CHRM3: variants seen among roughly 807,000 people sequenced by gnomAD.
CHRM3 encodes the protein cholinergic receptor muscarinic 3.
CHRM3 carries 11 observed loss-of-function variants against 41.8 expected under a neutral mutation model. The ratio of observed to expected loss-of-function variants is 0.26; its 90% CI spans 0.17 to 0.44. The LOEUF (loss-of-function observed/expected upper bound fraction) is 0.44, where lower values mean the gene tolerates loss of function less well. Ranked by LOEUF, CHRM3 falls within the 20% of genes least tolerant of loss-of-function variation. The pLI, the probability that CHRM3 is intolerant of heterozygous loss-of-function variation, is 1.00. For missense variants in CHRM3, 571 were observed against 745.4 expected (o/e 0.77, Z 2.72); for synonymous variants, 297 against 301.4 (o/e 0.99, Z 0.15).
At chr1:239,851,696 T>C (rs1443936295) in intron 6 of CHRM3, among the ~76,000 whole-genome samples, 1 of 152,252 alleles carries the variant, frequency 6.6e-6, no homozygotes, top group African/African-American at 2.4e-5. Flanking sequence ...CAGCATGTGC[T>C]GTTCTCAGCA....
At chr1:239,689,386 C>A (rs1659487898) in intron 5 of CHRM3, among the ~76,000 whole-genome samples, 1 of 151,646 alleles carries the variant, frequency 6.6e-6, no homozygotes, top group African/African-American at 2.4e-5. Context: ...GACTGACATT[C>A]AAATTTAGGC....
chr1:239,808,270 T>C (rs910824864), intron 5 of CHRM3, among the ~76,000 whole-genome samples: 74 of 152,260 alleles, frequency 4.9e-4, no homozygotes, highest in African/African-American at 1.7e-3. Flanking sequence ...TTTTTGTTTA[T>C]CCTCGTATGT....
At chr1:239,840,391 G>T (rs1484481134) in intron 6 of CHRM3, among the ~76,000 whole-genome samples, 1 of 152,148 alleles carries the variant, frequency 6.6e-6, no homozygotes, top group Admixed American at 6.5e-5. Context: ...CATTGATTTT[G>T]TATTCTTAAT....
intron 6 of CHRM3, among the ~76,000 whole-genome samples, chr1:239,906,353 AAT>A (rs1679965362): frequency 6.6e-6 from 1 of 152,198 alleles, no homozygotes; most frequent in Non-Finnish European, 1.5e-5. Flanking sequence ...CAGGGTACAC[AAT>A]AGATTTTTGC....
intron 6 of CHRM3, among the ~76,000 whole-genome samples, chr1:239,859,432 G>GTTT (rs141776323): frequency 1.7e-4 from 23 of 136,478 alleles, no homozygotes; most frequent in African/African-American, 6.1e-4. Flanking sequence ...TTTTTTTTTT[G>GTTT]TTTTTTTTTT....
In CHRM3 at chr1:239,472,033, A is replaced by G. The variant is rs900732888; in HGVS notation, c.-520-20676A>G. Among the ~76,000 whole-genome samples, 5 of 152,270 alleles carry G rather than the reference A, an allele frequency of 3.3e-5. No individual in the cohort carries two copies. The East Asian group carries it at 9.7e-4, about 29-fold the overall frequency. On this transcript the variant is annotated intron_variant, in intron 1 of 6. Transcript: ENST00000676153. ...ACTCCAATACTCTGAGAGTAACCAA[A>G]TATTCAGCAGAAAACTTCCTGGCAT...
intron 1 of CHRM3, among the ~76,000 whole-genome samples, chr1:239,409,274 T>C (rs980237179): frequency 6.6e-6 from 1 of 152,208 alleles, no homozygotes; most frequent in Non-Finnish European, 1.5e-5. Flanking sequence ...AAACATATTA[T>C]GATACAATAC....
intron 5 of CHRM3, among the ~76,000 whole-genome samples, chr1:239,743,935 C>T (rs1665110541): frequency 1.3e-5 from 2 of 149,814 alleles, no homozygotes; most frequent in Non-Finnish European, 3.0e-5. Context: ...GGACGGACTA[C>T]AGGTGCACAC....
intron 6 of CHRM3, among the ~76,000 whole-genome samples, chr1:239,875,134 A>C (rs1366064418): frequency 6.6e-6 from 1 of 152,248 alleles, no homozygotes; most frequent in Non-Finnish European, 1.5e-5. Flanking sequence ...TATTAACGCC[A>C]GCTTTATTTA....
At chr1:239,677,844 T>G (rs1571953228) in intron 4 of CHRM3, among the ~76,000 whole-genome samples, 1 of 152,170 alleles carries the variant, frequency 6.6e-6, no homozygotes, top group East Asian at 1.9e-4. Context: ...TACATATTTT[T>G]GGGGGAAGCT....
At chr1:239,461,123 G>A (rs1302810446) in intron 1 of CHRM3, among the ~76,000 whole-genome samples, 1 of 152,108 alleles carries the variant, frequency 6.6e-6, no homozygotes, top group Non-Finnish European at 1.5e-5. Context: ...GAGATTTAGT[G>A]GATTTGGAGA....
intron 1 of CHRM3, among the ~76,000 whole-genome samples, chr1:239,426,923 A>T (rs6429138): frequency 0.56 from 85,275 of 151,590 alleles, 24,258 homozygotes; most frequent in South Asian, 0.63. Context: ...ATTTTCTAGA[A>T]TGTGCAGGTG....
At chr1:239,406,840 C>T (rs113220508) in intron 1 of CHRM3, among the ~76,000 whole-genome samples, 4 of 152,146 alleles carry the variant, frequency 2.6e-5, no homozygotes, top group African/African-American at 9.7e-5. Flanking sequence ...AGTCTTGACC[C>T]TAGATGTGTG....
chr1:239,780,553 C>G (rs141566321), intron 5 of CHRM3, among the ~76,000 whole-genome samples: 280 of 152,184 alleles, frequency 1.8e-3, no homozygotes, highest in Admixed American at 7.7e-3. Context: ...ATATTTTCTT[C>G]CAGTCTGTGA....
At chr1:239,902,774 G>A (rs961338960) in intron 6 of CHRM3, among the ~76,000 whole-genome samples, 7 of 152,132 alleles carry the variant, frequency 4.6e-5, no homozygotes, top group Non-Finnish European at 5.9e-5. Flanking sequence ...CTATTAACTC[G>A]TTAACTTATT....
chr1:239,713,850 G>A (rs915055067), intron 5 of CHRM3, among the ~76,000 whole-genome samples: 29 of 152,080 alleles, frequency 1.9e-4, no homozygotes, highest in Non-Finnish European at 3.7e-4. Context: ...TATAAAAAAC[G>A]GTGTTCCATT....
intron 4 of CHRM3, among the ~76,000 whole-genome samples, chr1:239,638,773 T>C (rs1306030287): frequency 3.9e-5 from 6 of 152,202 alleles, no homozygotes; most frequent in African/African-American, 1.4e-4. Context: ...TTTAATTAGA[T>C]CCCATTTGTC....
chr1:239,648,657 G>T (rs552444856), intron 4 of CHRM3, among the ~76,000 whole-genome samples: 1 of 152,288 alleles, frequency 6.6e-6, no homozygotes, highest in East Asian at 1.9e-4. Context: ...AAACAATGAT[G>T]TGGGGAAGGA....
chr1:239,657,171 AT>A (rs1230990045), intron 4 of CHRM3, among the ~76,000 whole-genome samples: 3 of 152,170 alleles, frequency 2.0e-5, no homozygotes, highest in Non-Finnish European at 2.9e-5. Flanking sequence ...ATCCAGTAAC[AT>A]TTTATATGCT....
Sources: allele counts gnomAD v4.1 joint callset (sites outside exome capture counted in the v4.1 genomes callset), GRCh38; gene constraint gnomAD v4.1.1; transcripts MANE v1.5; gene names NCBI Gene and HGNC (gene_info 2026-07-23, HGNC 2026-07-21).